The following MRPL48 variants were observed in gnomAD, a reference collection of about 807,000 sequenced individuals.
MRPL48 encodes the protein mitochondrial ribosomal protein L48.
MRPL48 carries 16 observed loss-of-function variants against 32.9 expected under a neutral mutation model. The observed-to-expected ratio is 0.49, with a 90% confidence interval of 0.33 to 0.74. The LOEUF (loss-of-function observed/expected upper bound fraction) is 0.74. Ranked by LOEUF, MRPL48 falls within the 30% of genes least tolerant of loss-of-function variation. MRPL48 has a pLI of 0.02. For missense variants in MRPL48, 206 were observed against 245.3 expected, an observed-to-expected ratio of 0.84 and a Z score of 1.07; for synonymous variants, 94 against 89.2, an observed-to-expected ratio of 1.05 and a Z score of -0.31.
At chr11:73,830,710 C>A (rs1947977387) in intron 4 of MRPL48, among the ~76,000 whole-genome samples, 2 of 152,186 alleles carry the variant, frequency 1.3e-5, no homozygotes, top group Non-Finnish European at 2.9e-5. Flanking sequence ...ACCCTTGTCC[C>A]ATTTCTGCTG....
chr11:73,808,823 C>T (rs189391101), intron 3 of MRPL48, among the ~76,000 whole-genome samples: 26 of 151,600 alleles, frequency 1.7e-4, no homozygotes, highest in African/African-American at 5.8e-4. Flanking sequence ...CTCGGGAGGC[C>T]GAAGCAGGAG....
chr11:73,839,595 CTT>C (rs760411017), intron 4 of MRPL48, among the ~76,000 whole-genome samples: 1 of 152,098 alleles, frequency 6.6e-6, no homozygotes, highest in African/African-American at 2.4e-5. Context: ...AAAAATGACT[CTT>C]GACCCTATTT....
At chr11:73,858,124 A>C in intron 5 of MRPL48, among the ~76,000 whole-genome samples, 1 of 152,222 alleles carries the variant, frequency 6.6e-6, no homozygotes, top group East Asian at 1.9e-4. Context: ...CAATTATTTC[A>C]CTTGAACATC....
chr11:73,790,896 T>TG (rs1293035014), intron 1 of MRPL48, among the ~76,000 whole-genome samples: 9 of 148,060 alleles, frequency 6.1e-5, no homozygotes, highest in Admixed American at 5.4e-4. Flanking sequence ...TTTTTTTTTT[T>TG]TTTTTTTGAG....
chr11:73,844,762 C>G, intron 4 of MRPL48, 45 bp from the exon 5 acceptor site: 1 of 1,547,698 alleles, frequency 6.5e-7, no homozygotes, highest in Non-Finnish European at 8.7e-7. Flanking sequence ...ATTAGAATTT[C>G]TTGTATAATA....
intron 5 of MRPL48, among the ~76,000 whole-genome samples, chr11:73,857,964 C>A (rs1232754456): frequency 1.3e-5 from 2 of 152,102 alleles, no homozygotes; most frequent in Non-Finnish European, 2.9e-5. Flanking sequence ...AATGAGTAAA[C>A]AAATCAATGA....
At position 73,801,554 on chromosome 11, in the gene MRPL48, C is replaced by A. The variant is rs144415407; in HGVS notation, c.22-3473C>A. ...TCTGTCTATTCACATCCTTCCCAAT[C>A]TTCATGGTTTTACATCCTCTGGGAG... On this transcript the variant is annotated intron_variant, in intron 1 of 7. Coordinates refer to ENST00000310614, the MANE Select transcript of MRPL48 (RefSeq NM_016055.6). 7.5e-4 allele frequency among the ~76,000 whole-genome samples: 114 copies of A among 152,322 alleles called. 1 individual carries two copies. In the East Asian group the frequency reaches 0.018, roughly 24 times the overall value.
chr11:73,810,832 T>C (rs887056698), intron 3 of MRPL48, among the ~76,000 whole-genome samples: 21 of 152,076 alleles, frequency 1.4e-4, no homozygotes, highest in African/African-American at 5.1e-4. Context: ...GTTTTTGTAA[T>C]AGTGTGGAGT....
chr11:73,836,704 G>A (rs950378464), intron 4 of MRPL48, among the ~76,000 whole-genome samples: 5 of 152,286 alleles, frequency 3.3e-5, no homozygotes, highest in Admixed American at 2.6e-4. Context: ...TTTCAGAGCC[G>A]ATATTTGGAA....
chr11:73,788,079 T>C, intron 1 of MRPL48, 87 bp downstream of exon 1: 1 of 1,557,474 alleles, frequency 6.4e-7, no homozygotes. Context: ...AGCGGGGAGG[T>C]GGCGGCGCGC....
intron 5 of MRPL48, among the ~76,000 whole-genome samples, chr11:73,851,732 A>T (rs565612305): frequency 1.3e-5 from 2 of 152,296 alleles, no homozygotes; most frequent in Non-Finnish European, 2.9e-5. Flanking sequence ...TCATGATTGA[A>T]AGAATGACAG....
intron 5 of MRPL48, among the ~76,000 whole-genome samples, chr11:73,846,067 CAAAAA>C (rs749259766): frequency 1.3e-3 from 78 of 57,816 alleles, no homozygotes; most frequent in African/African-American, 5.0e-3. Flanking sequence ...GACCCTGTCT[CAAAAA>C]AAAAAAAAAA....
chr11:73,789,064 G>A (rs1468459575), intron 1 of MRPL48, among the ~76,000 whole-genome samples: 1 of 152,190 alleles, frequency 6.6e-6, no homozygotes, highest in African/African-American at 2.4e-5. Context: ...GGCTGCCCTT[G>A]AATGTGTGAG....
At chr11:73,830,932 C>T (rs769134863) in intron 4 of MRPL48, among the ~76,000 whole-genome samples, 8 of 151,754 alleles carry the variant, frequency 5.3e-5, no homozygotes, top group Non-Finnish European at 7.4e-5. Context: ...GTCCGCCTTC[C>T]GGGTTCAAGC....
intron 5 of MRPL48, among the ~76,000 whole-genome samples, chr11:73,847,534 G>C (rs748021651): frequency 6.6e-6 from 1 of 151,712 alleles, no homozygotes; most frequent in Non-Finnish European, 1.5e-5. Context: ...TCTGCCTCTC[G>C]GGTTCACGCC....
chr11:73,850,678 ATTT>A (rs34562115), intron 5 of MRPL48: 60 of 185,318 alleles, frequency 3.2e-4, no homozygotes, highest in Middle Eastern at 2.1e-3. Context: ...GGGCTATACA[ATTT>A]TTTTTTTTTT....
intron 5 of MRPL48, among the ~76,000 whole-genome samples, chr11:73,848,724 ATATCT>A (rs1467583369): frequency 4.6e-5 from 7 of 152,090 alleles, no homozygotes; most frequent in Non-Finnish European, 8.8e-5. Flanking sequence ...GGCTCTTTAC[ATATCT>A]TATCTCAGTA....
At chr11:73,862,302 A>G (rs1207167069) in intron 6 of MRPL48, among the ~76,000 whole-genome samples, 1 of 152,172 alleles carries the variant, frequency 6.6e-6, no homozygotes, top group Non-Finnish European at 1.5e-5. Context: ...CATGCCTGTA[A>G]TCCCAGCTAC....
intron 3 of MRPL48, among the ~76,000 whole-genome samples, chr11:73,822,425 T>TAGTAGACAA: frequency 6.6e-6 from 1 of 152,060 alleles, no homozygotes; most frequent in Non-Finnish European, 1.5e-5. Context: ...ATACCTCGAG[T>TAGTAGACAA]ATCTCAAGGG....
Sources: gnomAD v4.1 joint callset for allele counts (sites outside exome capture counted in the v4.1 genomes callset) on GRCh38, gnomAD v4.1.1 for gene constraint, MANE v1.5 for transcripts, NCBI Gene and HGNC (gene_info 2026-07-23, HGNC 2026-07-21) for gene names.